GALNT13: variants seen among roughly 807,000 people sequenced by gnomAD.
GALNT13 encodes polypeptide N-acetylgalactosaminyltransferase 13, also known as UDP-GalNAc:polypeptide N-acetylgalactosaminyltransferase 13.
A neutral mutation model predicts 64.2 loss-of-function variants in GALNT13; 28 were observed. The ratio of observed to expected loss-of-function variants is 0.44; its 90% confidence interval spans 0.32 to 0.60. The LOEUF is 0.60. Ranked by LOEUF, GALNT13 falls within the 20% of genes least tolerant of loss-of-function variation. GALNT13 has a pLI of 0.05. For missense variants in GALNT13, 577 were observed against 669.8 expected (o/e 0.86, Z 1.53); for synonymous variants, 214 against 224.6 (o/e 0.95, Z 0.42).
chr2:154,081,689 C>T (rs1397457902), intron 3 of GALNT13, among the ~76,000 whole-genome samples: 3 of 151,704 alleles, frequency 2.0e-5, no homozygotes, highest in Non-Finnish European at 4.4e-5. Flanking sequence ...GAGGAAATTC[C>T]TATATCTATG....
At chr2:153,688,021 C>G in the GALNT13 span, among the ~76,000 whole-genome samples, 1 of 151,902 alleles carries the variant, frequency 6.6e-6, no homozygotes, top group Non-Finnish European at 1.5e-5. Context: ...GCCAAAGTAA[C>G]TACACAGTTA....
the GALNT13 span, among the ~76,000 whole-genome samples, chr2:153,411,338 G>T: frequency 4.6e-5 from 7 of 152,172 alleles, 1 homozygote; most frequent in Middle Eastern, 6.8e-3. Flanking sequence ...CAAAGAGTTT[G>T]GAATACATTT....
Position 154,092,427 on chromosome 2 carries a change from G to A in GALNT13, c.143-47910G>A, listed in dbSNP as rs566791878. Among the ~76,000 whole-genome samples, 3 of 151,970 alleles carry A rather than the reference G, an allele frequency of 2.0e-5. No individual in the cohort carries two copies. In the South Asian group the frequency reaches 6.2e-4, roughly 31 times the overall value. On this transcript the variant is annotated intron_variant, in intron 3 of 12. Coordinates refer to ENST00000392825, the MANE Select transcript of GALNT13 (RefSeq NM_052917.4). ...CTAGACTAAATGAGATGTGCAAAATGCCTGTTATAATATGGATCTTTTGGA... is the reference window on the plus strand; with the variant it reads ...CTAGACTAAATGAGATGTGCAAAATACCTGTTATAATATGGATCTTTTGGA...
intron 9 of GALNT13, among the ~76,000 whole-genome samples, chr2:154,385,133 G>GA (rs1698449620): frequency 6.6e-6 from 1 of 151,924 alleles, no homozygotes; most frequent in South Asian, 2.1e-4. Flanking sequence ...TATAACTGAA[G>GA]AAACAGTTAT....
At chr2:153,601,702 C>A in the GALNT13 span, among the ~76,000 whole-genome samples, 45,423 of 151,482 alleles carry the variant, frequency 0.3, 7,235 homozygotes, top group South Asian at 0.43. Context: ...TGATACACAG[C>A]AACAAATGTT....
the GALNT13 span, among the ~76,000 whole-genome samples, chr2:153,302,658 G>GT: frequency 1.3e-5 from 2 of 152,010 alleles, no homozygotes; most frequent in Admixed American, 6.6e-5. Flanking sequence ...ATTTTCCCGT[G>GT]TTTTCTTCTA....
At chr2:153,213,708 T>G in the GALNT13 span, among the ~76,000 whole-genome samples, 1 of 152,162 alleles carries the variant, frequency 6.6e-6, no homozygotes. Context: ...TTCAGTCAGT[T>G]TTTTTTAGTT....
At chr2:154,018,555 G>C (rs940043829) in intron 3 of GALNT13, among the ~76,000 whole-genome samples, 1 of 152,100 alleles carries the variant, frequency 6.6e-6, no homozygotes, top group African/African-American at 2.4e-5. Context: ...AAGATAAGAG[G>C]ATGGGGGATA....
chr2:154,312,796 G>A (rs1478905508), intron 9 of GALNT13, among the ~76,000 whole-genome samples: 1 of 151,908 alleles, frequency 6.6e-6, no homozygotes, highest in African/African-American at 2.4e-5. Context: ...GGTCTCTCCG[G>A]GCCATAACCA....
the GALNT13 span, among the ~76,000 whole-genome samples, chr2:153,810,904 T>C: frequency 6.6e-6 from 1 of 152,348 alleles, no homozygotes; most frequent in Admixed American, 6.5e-5. Context: ...ATGTGATTTG[T>C]ACAACCACTT....
At chr2:153,768,907 A>C in the GALNT13 span, among the ~76,000 whole-genome samples, 5 of 152,170 alleles carry the variant, frequency 3.3e-5, no homozygotes, top group Non-Finnish European at 7.4e-5. Flanking sequence ...ATCTAATGTA[A>C]GGATGGCTAC....
At chr2:153,315,147 A>C in the GALNT13 span, among the ~76,000 whole-genome samples, 4,508 of 152,316 alleles carry the variant, frequency 0.03, 226 homozygotes, top group African/African-American at 0.1. Context: ...CTACTTATAA[A>C]TCATCAGTTT....
intron 4 of GALNT13, among the ~76,000 whole-genome samples, chr2:154,197,952 C>T (rs1474390456): frequency 8.7e-6 from 1 of 114,364 alleles, no homozygotes; most frequent in East Asian, 2.1e-4. Flanking sequence ...AACTAAAAAC[C>T]GTAATAAACC....
chr2:153,248,629 C>A, the GALNT13 span, among the ~76,000 whole-genome samples: 5 of 151,398 alleles, frequency 3.3e-5, no homozygotes, highest in African/African-American at 1.2e-4. Context: ...CTGGCTAACA[C>A]GGTGAAACGC....
At position 154,011,694 on chromosome 2, in the gene GALNT13, G is replaced by T. The variant is rs570503192; in HGVS notation, c.142+67055G>T. On this transcript the variant is annotated intron_variant, in intron 3 of 12. Coordinates refer to ENST00000392825, the MANE Select transcript of GALNT13 (RefSeq NM_052917.4). ...TGAAGTCTCTGACTGTTATTGTGTGGTTATCTAAGTCTTTTGTAGGTCTCT... is the reference window on the plus strand; with the variant it reads ...TGAAGTCTCTGACTGTTATTGTGTGTTTATCTAAGTCTTTTGTAGGTCTCT... 2.6e-5 allele frequency among the ~76,000 whole-genome samples: 4 copies of T among 152,160 alleles called. No individual in the cohort carries two copies. The South Asian group carries it at 8.3e-4, about 32-fold the overall frequency.
the GALNT13 span, among the ~76,000 whole-genome samples, chr2:153,143,063 G>A: frequency 2.0e-5 from 3 of 151,846 alleles, no homozygotes; most frequent in African/African-American, 7.3e-5. Context: ...AATGATAAAG[G>A]AAATCATTGG....
chr2:153,151,570 G>A, the GALNT13 span, among the ~76,000 whole-genome samples: 1 of 152,030 alleles, frequency 6.6e-6, no homozygotes, highest in South Asian at 2.1e-4. Context: ...GCAAAGACTT[G>A]GAATCAACCC....
chr2:154,215,239 T>C (rs1687981320), intron 4 of GALNT13, among the ~76,000 whole-genome samples: 1 of 152,188 alleles, frequency 6.6e-6, no homozygotes, highest in South Asian at 2.1e-4. Flanking sequence ...TAATTTGAAC[T>C]GAATCTCTGT....
the GALNT13 span, among the ~76,000 whole-genome samples, chr2:153,227,018 A>T: frequency 3.9e-5 from 6 of 152,046 alleles, no homozygotes; most frequent in Admixed American, 1.3e-4. Context: ...TGAAGGAGAG[A>T]GTGGGGCAAT....
Sources: gnomAD v4.1 joint callset for allele counts (sites outside exome capture counted in the v4.1 genomes callset) on GRCh38, gnomAD v4.1.1 for gene constraint, MANE v1.5 for transcripts, NCBI Gene and HGNC (gene_info 2026-07-23, HGNC 2026-07-21) for gene names.